Variants in ARHGAP32 observed in about 807,000 individuals in gnomAD.
ARHGAP32 encodes the protein Rho GTPase activating protein 32.
ARHGAP32 carries 51 observed loss-of-function variants against 186.5 expected under a neutral mutation model. The observed-to-expected ratio is 0.27, with a 90% CI of 0.22 to 0.35. The LOEUF (loss-of-function observed/expected upper bound fraction) is 0.35. Among genes scored for constraint, ARHGAP32 ranks in the 10% least tolerant of loss-of-function variants. The pLI, the probability that ARHGAP32 is intolerant of heterozygous loss-of-function variation, is 1.00. For synonymous variants in ARHGAP32, 950 were observed against 964.3 expected (o/e 0.99, Z 0.27); for missense variants, 2,186 against 2,623.5 (o/e 0.83, Z 3.64).
At chr11:129,206,540 C>T (rs1944516342) in intron 1 of ARHGAP32, among the ~76,000 whole-genome samples, 1 of 152,042 alleles carries the variant, frequency 6.6e-6, no homozygotes, top group South Asian at 2.1e-4. Context: ...TTAAATAGCT[C>T]ATTCATTTGA....
In ARHGAP32 at chr11:129,268,210, G is replaced by A. The variant is rs11828048; in HGVS notation, c.-5+10936C>T. On this transcript the variant is annotated intron_variant, in intron 1 of 6. Coordinates refer to the ARHGAP32 transcript ENST00000525234. ...TAGTTGAAGAAAATGAATCCATTGAGCCTAGAAAGAGAAAAGACTGGTGGG... is the reference window on the plus strand; with the variant it reads ...TAGTTGAAGAAAATGAATCCATTGAACCTAGAAAGAGAAAAGACTGGTGGG... 5.4e-3 allele frequency among the ~76,000 whole-genome samples: 824 copies of A among 152,214 alleles called. 4 individuals carry two copies. The highest frequency in any genetic ancestry group is 0.019 in the African/African-American group (785 of 41,512).
chr11:129,151,633 T>C (rs1334901763), intron 2 of ARHGAP32, among the ~76,000 whole-genome samples: 2 of 152,046 alleles, frequency 1.3e-5, no homozygotes, highest in South Asian at 2.1e-4. Flanking sequence ...GAGACAACAA[T>C]GAAATCAACA....
At chr11:129,143,449 C>T (rs372795496) in intron 2 of ARHGAP32, among the ~76,000 whole-genome samples, 27 of 152,232 alleles carry the variant, frequency 1.8e-4, no homozygotes, top group African/African-American at 6.5e-4. Context: ...CACACAGTCC[C>T]GCACCGCCCC....
intron 15 of ARHGAP32, among the ~76,000 whole-genome samples, chr11:128,984,957 G>A (rs1021607898): frequency 2.0e-5 from 3 of 152,054 alleles, no homozygotes; most frequent in Non-Finnish European, 4.4e-5. Context: ...AACTTACAAT[G>A]GTTCAATTTA....
At chr11:129,187,943 T>C (rs1844491913) in intron 1 of ARHGAP32, among the ~76,000 whole-genome samples, 1 of 151,938 alleles carries the variant, frequency 6.6e-6, no homozygotes, top group African/African-American at 2.4e-5. Context: ...TTTTGTGTGG[T>C]TTTTTTGTTT....
At chr11:129,128,844 C>T (rs1942726494) in intron 2 of ARHGAP32, among the ~76,000 whole-genome samples, 2 of 152,208 alleles carry the variant, frequency 1.3e-5, no homozygotes, top group African/African-American at 4.8e-5. Flanking sequence ...CTCGGCCTCC[C>T]GAGGTGCCGG....
At chr11:129,062,756 G>T (rs1189424330) in intron 9 of ARHGAP32, among the ~76,000 whole-genome samples, 1 of 152,146 alleles carries the variant, frequency 6.6e-6, no homozygotes, top group Non-Finnish European at 1.5e-5. Context: ...AACAGTAACA[G>T]ATTCCCTTAA....
intron 8 of ARHGAP32, 94 bp from the exon 9 acceptor site, chr11:129,064,118 T>A: frequency 8.6e-7 from 1 of 1,164,698 alleles, no homozygotes. Context: ...AATTTAGAGA[T>A]ACAATAACCC....
At chr11:129,256,325 G>T (rs1165522794) in intron 1 of ARHGAP32, among the ~76,000 whole-genome samples, 2 of 151,984 alleles carry the variant, frequency 1.3e-5, no homozygotes, top group African/African-American at 4.8e-5. Flanking sequence ...GGAAAAAAAA[G>T]ACCGCAATTA....
intron 10 of ARHGAP32, among the ~76,000 whole-genome samples, chr11:129,046,656 T>C (rs1939819598): frequency 6.6e-6 from 1 of 152,128 alleles, no homozygotes; most frequent in African/African-American, 2.4e-5. Flanking sequence ...AATACTTTGG[T>C]GTAACTTAAA....
intron 11 of ARHGAP32, among the ~76,000 whole-genome samples, chr11:129,018,466 G>T (rs1390068831): frequency 6.6e-6 from 1 of 152,152 alleles, no homozygotes; most frequent in Non-Finnish European, 1.5e-5. Context: ...TGTGTACTTA[G>T]TATTTTCAAA....
At chr11:129,226,707 C>A (rs1330876665) in intron 1 of ARHGAP32, among the ~76,000 whole-genome samples, 1 of 151,966 alleles carries the variant, frequency 6.6e-6, no homozygotes, top group Non-Finnish European at 1.5e-5. Flanking sequence ...ATTCCATTGA[C>A]AGAATGGTTA....
At position 129,159,716 on chromosome 11, in the gene ARHGAP32, T is replaced by C. The variant is rs146262032; in HGVS notation, c.225+4603A>G. ...AAAAGAGGGACTCGTCCCTAACTCA[T>C]TTCATGAGGCCAACATCATCCTGAT... On this transcript the variant is annotated intron_variant, in intron 2 of 22. Coordinates refer to ENST00000682385, the MANE Select transcript of ARHGAP32 (RefSeq NM_001378024.1). Among the ~76,000 whole-genome samples, 418 of 152,262 alleles carry C rather than the reference T, an allele frequency of 2.7e-3. 2 individuals are homozygous for C. Among genetic ancestry groups the C allele is most frequent in the African/African-American group, 9.4e-3 (392 of 41,538 alleles).
At chr11:129,062,790 C>T (rs1053473424) in intron 9 of ARHGAP32, among the ~76,000 whole-genome samples, 4 of 151,836 alleles carry the variant, frequency 2.6e-5, no homozygotes, top group Non-Finnish European at 4.4e-5. Context: ...GAGTGCTTAC[C>T]ATGTGCCAGG....
chr11:129,117,204 C>T (rs986043032), intron 5 of ARHGAP32, among the ~76,000 whole-genome samples: 4 of 151,864 alleles, frequency 2.6e-5, no homozygotes, highest in African/African-American at 4.8e-5. Context: ...AGTGTCAGGC[C>T]GCCTTGATTC....
In ARHGAP32 at chr11:129,226,614, AAACT is replaced by A. The variant is rs554553904; in HGVS notation, c.-5+52528_-5+52531del. Among the ~76,000 whole-genome samples the A allele has an allele frequency of 3.3e-5, 5 of 152,308 alleles. No individual in the cohort carries two copies. In the South Asian group the frequency reaches 8.3e-4, roughly 25 times the overall value. ...AGAAATTGTTAACAAGACACATAAA[AAACT>A]AACAGCAAAATGGAAGAAGTAAATC... On this transcript the variant is annotated intron_variant, in intron 1 of 6. Coordinates refer to the ARHGAP32 transcript ENST00000525234.
Position 128,974,136 on chromosome 11 carries a change from G to C in ARHGAP32, c.3061C>G (p.Gln1021Glu), listed in dbSNP as rs780098014. The C allele has an allele frequency of 1.2e-6, 2 of 1,614,194 alleles. No individual in the cohort carries two copies. Among genetic ancestry groups the C allele is most frequent in the South Asian group, 2.2e-5 (2 of 91,082 alleles). Reference sequence around the variant, plus strand: ...AAACAAACGGTACCTGTCTGAGTCTGTCCAGAAGCTACAGCCTTACTCTGA... The same window carrying C: ...AAACAAACGGTACCTGTCTGAGTCTCTCCAGAAGCTACAGCCTTACTCTGA... ...SSQSKAVASG[Q>E]TQTGAVTHDP... is the part of the protein sequence containing the mutation. Residue 1021 changes from glutamine to glutamate, a missense_variant, in exon 21 of 23, where the codon CAG becomes GAG. Transcript: ENST00000682385.
chr11:129,109,424 C>T (rs1194264606), intron 5 of ARHGAP32, among the ~76,000 whole-genome samples: 1 of 151,958 alleles, frequency 6.6e-6, no homozygotes, highest in African/African-American at 2.4e-5. Flanking sequence ...ATTTACTTTC[C>T]TTTAGATACA....
Position 129,247,460 on chromosome 11 carries a change from A to T in ARHGAP32, c.-5+31686T>A, listed in dbSNP as rs1209645577. 2.0e-5 allele frequency among the ~76,000 whole-genome samples: 3 copies of T among 152,234 alleles called. No individual in the cohort carries two copies. The East Asian group carries it at 5.8e-4, about 29-fold the overall frequency. ...CACAAACAACATACATCAAAGGAGG[A>T]GAAATATACAACTATTCTGACAATA... On this transcript the variant is annotated intron_variant, in intron 1 of 6. Coordinates refer to the ARHGAP32 transcript ENST00000525234.
Sources: allele counts gnomAD v4.1 joint callset (sites outside exome capture counted in the v4.1 genomes callset), GRCh38; gene constraint gnomAD v4.1.1; transcripts MANE v1.5; gene names NCBI Gene and HGNC (gene_info 2026-07-23, HGNC 2026-07-21).